The following LMF1 variants were observed in gnomAD, a reference collection of about 807,000 sequenced individuals.
LMF1 encodes the protein lipase maturation factor 1, also known as transmembrane protein 112.
LMF1 carries 68 observed loss-of-function variants against 60.6 expected under a neutral mutation model. The observed-to-expected ratio is 1.12, with a 90% confidence interval of 0.92 to 1.37. The LOEUF is 1.37. Among genes scored for constraint, LMF1 ranks in the 40% most tolerant of loss-of-function variants. The pLI is 0.00. For missense variants in LMF1, 948 were observed against 767.2 expected (o/e 1.24, Z -2.78); for synonymous variants, 418 against 324.7 (o/e 1.29, Z -3.09).
chr16:973,842 TACA>T (rs1046943765), upstream of LMF1, among the ~76,000 whole-genome samples: 17 of 151,790 alleles, frequency 1.1e-4, no homozygotes, highest in Middle Eastern at 3.4e-3. Context: ...CTACTAAAAA[TACA>T]ACAACAACAA....
Position 970,784 on chromosome 16 carries a change from T to A in LMF1, c.193+4A>T. On this transcript the variant is annotated splice_donor_region_variant and intron_variant, in intron 1 of 10. Coordinates refer to ENST00000262301, the MANE Select transcript of LMF1 (RefSeq NM_022773.4). ...CGGATGTCCCGGGCCCGCCCGGCAC[T>A]CACAGTACACGAAGGCTAGGGCCTT... The A allele has an allele frequency of 6.6e-7, 1 of 1,519,384 alleles. No individual in the cohort carries two copies. The highest frequency in any genetic ancestry group is 1.2e-5 in the South Asian group (1 of 81,130). 94.1% of individuals were successfully genotyped at this position (1,519,384 alleles called of 1,614,324 possible).
At chr16:860,130 C>G (rs1043861726) in intron 10 of LMF1, among the ~76,000 whole-genome samples, 1 of 152,062 alleles carries the variant, frequency 6.6e-6, no homozygotes, top group Non-Finnish European at 1.5e-5. Context: ...TTTACATATT[C>G]CAGATTTTAG....
chr16:888,305 T>C (rs752906862), intron 5 of LMF1, among the ~76,000 whole-genome samples: 3 of 152,232 alleles, frequency 2.0e-5, no homozygotes, highest in Non-Finnish European at 4.4e-5. Flanking sequence ...GCCGTGGGAC[T>C]GAATCAGAGT....
At chr16:855,369 C>G (rs1028845965) in intron 10 of LMF1, 4 of 314,316 alleles carry the variant, frequency 1.3e-5, no homozygotes, top group Middle Eastern at 1.2e-3. Flanking sequence ...GCAGGTCTCT[C>G]TGCTGAGCCC....
chr16:891,686 T>G (rs757297136), intron 5 of LMF1, among the ~76,000 whole-genome samples: 16 of 152,114 alleles, frequency 1.1e-4, no homozygotes, highest in Non-Finnish European at 2.2e-4. Flanking sequence ...CAGGCCCCCC[T>G]GCCCACTTTT....
At chr16:975,842 G>A (rs1453855996), upstream of LMF1, 2 of 454,020 alleles carry the variant, frequency 4.4e-6, no homozygotes, top group Non-Finnish European at 8.8e-6. Flanking sequence ...GGGAGGTCAG[G>A]GCCTGGGCGG....
chr16:853,650 TA>T lies in LMF1; in HGVS notation c.*881del, dbSNP rs948608153. On this transcript the variant is annotated 3_prime_UTR_variant, in exon 11 of 11. Coordinates refer to ENST00000262301, the MANE Select transcript of LMF1 (RefSeq NM_022773.4). Reference sequence around the variant, plus strand: ...AACAGTGTGTTTTCGAGTAAGCTGGTAAGTGGTATAATAGGAATAGTAGAAG... The same window carrying T: ...AACAGTGTGTTTTCGAGTAAGCTGGTAGTGGTATAATAGGAATAGTAGAAG... 1.1e-5 allele frequency: 5 copies of T among 449,900 alleles called. No individual in the cohort carries two copies. Among genetic ancestry groups the T allele is most frequent in the African/African-American group, 1.0e-4 (5 of 50,000 alleles). The allele number at this position is 449,900 out of a possible 1,614,324, so 27.9% of individuals were successfully genotyped here.
chr16:856,151 T>C, intron 10 of LMF1: 1 of 364,036 alleles, frequency 2.7e-6, no homozygotes, highest in Non-Finnish European at 5.4e-6. Flanking sequence ...TGCTGGCAGT[T>C]GGTGGCTCCC....
At chr16:978,235 ACACCATACG>A (rs2073231326) in intron 1 of LMF1, among the ~76,000 whole-genome samples, 3 of 151,390 alleles carry the variant, frequency 2.0e-5, no homozygotes, top group Non-Finnish European at 4.4e-5. Flanking sequence ...CACACCATAC[ACACCATACG>A]CACTATACAC....
At chr16:891,774 T>C (rs2070496423) in intron 5 of LMF1, among the ~76,000 whole-genome samples, 1 of 152,202 alleles carries the variant, frequency 6.6e-6, no homozygotes, top group Admixed American at 6.5e-5. Context: ...TGGACCTTAT[T>C]GAGGGCAGGG....
intron 10 of LMF1, among the ~76,000 whole-genome samples, chr16:857,138 T>C (rs540382054): frequency 2.8e-4 from 42 of 152,336 alleles, no homozygotes; most frequent in South Asian, 4.1e-4. Context: ...GCGGCGTGAG[T>C]GCACCCTAGT....
At chr16:858,418 C>T (rs373167109) in intron 10 of LMF1, among the ~76,000 whole-genome samples, 9 of 17,070 alleles carry the variant, frequency 5.3e-4, no homozygotes, top group African/African-American at 9.7e-4. Flanking sequence ...TGTCACGGGA[C>T]GGGTGTGAGT....
At chr16:881,137 G>C (rs1432847952) in intron 5 of LMF1, among the ~76,000 whole-genome samples, 1 of 152,204 alleles carries the variant, frequency 6.6e-6, no homozygotes, top group East Asian at 1.9e-4. Context: ...GGGCTGTGCT[G>C]GGCAGCGCTT....
intron 2 of LMF1, 97 bp downstream of exon 2, chr16:954,260 A>T (rs2072607729): frequency 9.7e-6 from 12 of 1,241,518 alleles, no homozygotes; most frequent in Non-Finnish European, 1.4e-5. Flanking sequence ...TTTAAGATAA[A>T]CGCTCGTCCA....
At chr16:947,317 G>A (rs946741673) in intron 2 of LMF1, 11 of 369,984 alleles carry the variant, frequency 3.0e-5, no homozygotes, top group Middle Eastern at 7.8e-4. Flanking sequence ...AGCCCAGCCA[G>A]GGAGGGCCCC....
At chr16:870,420 A>C (rs1415807583) in intron 8 of LMF1, among the ~76,000 whole-genome samples, 1 of 152,210 alleles carries the variant, frequency 6.6e-6, no homozygotes, top group Non-Finnish European at 1.5e-5. Context: ...ACTACCTGGC[A>C]TTCCCACGCA....
At chr16:893,261 G>A (rs943874926) in intron 4 of LMF1, 189 bp from the exon 5 acceptor site, 2 of 682,018 alleles carry the variant, frequency 2.9e-6, no homozygotes, top group African/African-American at 1.8e-5. Flanking sequence ...CAGATTCAGG[G>A]CTGCTTTGAG....
At position 853,738 on chromosome 16, in the gene LMF1, T is replaced by G; in HGVS notation, c.*794A>C. On this transcript the variant is annotated 3_prime_UTR_variant, in exon 11 of 11. Transcript: ENST00000262301. ...AAAAATGTGCAGTAGACGCTGTTTG[T>G]CCGACGATGATGAAAGTGTGCACGG... 2.2e-6 allele frequency: 1 copy of G among 454,150 alleles called. No individual in the cohort carries two copies. The highest frequency in any genetic ancestry group is 4.4e-6 in the Non-Finnish European group (1 of 226,792). The allele number at this position is 454,150 out of a possible 1,614,324, so 28.1% of individuals were successfully genotyped here. A position where few individuals can be genotyped will look rare whatever the true frequency, so the allele number is the denominator to read the frequency against.
At chr16:953,166 C>T (rs1424930530) in intron 2 of LMF1, among the ~76,000 whole-genome samples, 2 of 129,836 alleles carry the variant, frequency 1.5e-5, no homozygotes, top group Admixed American at 7.3e-5. Context: ...GCCTCCTGCA[C>T]GTCCACACAG....
Sources: gnomAD v4.1 joint callset for allele counts (sites outside exome capture counted in the v4.1 genomes callset) on GRCh38, gnomAD v4.1.1 for gene constraint, MANE v1.5 for transcripts, NCBI Gene and HGNC (gene_info 2026-07-23, HGNC 2026-07-21) for gene names.